The following TMEM178B variants were observed in gnomAD, a reference collection of about 807,000 sequenced individuals.
The protein encoded by TMEM178B is transmembrane protein 178B.
In TMEM178B, 5 loss-of-function variants were observed where a neutral mutation model predicts 31.0. The ratio of observed to expected loss-of-function variants is 0.16; its 90% CI spans 0.08 to 0.34. The LOEUF is 0.34. Ranked by LOEUF, TMEM178B falls within the 10% of genes least tolerant of loss-of-function variation. TMEM178B has a pLI of 1.00. For synonymous variants in TMEM178B, 164 were observed against 164.0 expected, an observed-to-expected ratio of 1.00 and a Z score of 0.00; for missense variants, 275 against 400.3, an observed-to-expected ratio of 0.69 and a Z score of 2.67.
chr7:141,252,213 C>T (rs1425227564), intron 2 of TMEM178B, among the ~76,000 whole-genome samples: 2 of 152,058 alleles, frequency 1.3e-5, no homozygotes, highest in Non-Finnish European at 2.9e-5. Flanking sequence ...GGGGCAGGTA[C>T]CAGTCCATGG....
intron 2 of TMEM178B, among the ~76,000 whole-genome samples, chr7:141,399,587 C>T (rs1800717785): frequency 6.6e-6 from 1 of 152,190 alleles, no homozygotes; most frequent in Non-Finnish European, 1.5e-5. Flanking sequence ...TTGTCCTTAA[C>T]TAAGCTTGCT....
At chr7:141,173,334 C>T (rs896249815) in intron 1 of TMEM178B, 4 of 152,212 alleles carry the variant, frequency 2.6e-5, no homozygotes, top group African/African-American at 9.7e-5. Flanking sequence ...AGTACCATGC[C>T]TGACACAAAG....
chr7:141,448,269 G>A (rs1025146539), intron 3 of TMEM178B, among the ~76,000 whole-genome samples: 1 of 152,130 alleles, frequency 6.6e-6, no homozygotes, highest in Non-Finnish European at 1.5e-5. Context: ...GCCTCCAGGG[G>A]AGGGAGTAAG....
intron 3 of TMEM178B, among the ~76,000 whole-genome samples, chr7:141,451,509 G>T (rs1801862395): frequency 6.6e-6 from 1 of 152,090 alleles, no homozygotes; most frequent in Non-Finnish European, 1.5e-5. Context: ...CTGAAGCCAG[G>T]GCTTTTAATT....
chr7:141,237,407 C>T (rs117132342), intron 2 of TMEM178B, among the ~76,000 whole-genome samples: 1,604 of 152,036 alleles, frequency 0.011, 13 homozygotes, highest in Non-Finnish European at 0.015. Context: ...GTGCTATAAC[C>T]ATTAAATGTG....
chr7:141,336,981 C>T (rs1799413486), intron 2 of TMEM178B, among the ~76,000 whole-genome samples: 1 of 101,110 alleles, frequency 9.9e-6, no homozygotes. Flanking sequence ...ACCACCACCA[C>T]CCCCATCACT....
chr7:141,413,369 T>C lies in TMEM178B; in HGVS notation c.497-24239T>C, dbSNP rs186918490. Among the ~76,000 whole-genome samples, 14 of 152,352 alleles carry C rather than the reference T, an allele frequency of 9.2e-5. No individual in the cohort carries two copies. In the East Asian group the frequency reaches 2.7e-3, roughly 29 times the overall value. ...TTAGAGATTCCTGTGTATATTCCAATTCTTGAAAGAGACCTACTCAAAAGA... is the reference window on the plus strand; with the variant it reads ...TTAGAGATTCCTGTGTATATTCCAACTCTTGAAAGAGACCTACTCAAAAGA... On this transcript the variant is annotated intron_variant, in intron 2 of 3. Coordinates refer to ENST00000565468, the MANE Select transcript of TMEM178B (RefSeq NM_001195278.2).
chr7:141,460,960 A>G (rs541658305), intron 3 of TMEM178B, among the ~76,000 whole-genome samples: 51 of 152,286 alleles, frequency 3.3e-4, no homozygotes, highest in African/African-American at 1.2e-3. Context: ...TGATGATGCA[A>G]TCGTGTATAA....
rs369601269 is a variant in TMEM178B at position 141,096,585 on chromosome 7, G to T, written c.382+21893G>T. Among the ~76,000 whole-genome samples, 21 of 152,286 alleles carry T rather than the reference G, an allele frequency of 1.4e-4. 1 individual carries two copies. The highest frequency in any genetic ancestry group is 5.1e-4 in the African/African-American group (21 of 41,564). On this transcript the variant is annotated intron_variant, in intron 1 of 3. Coordinates refer to ENST00000565468, the MANE Select transcript of TMEM178B (RefSeq NM_001195278.2). ...CTTCTGGATAGCTGACCATGTGGAG[G>T]TTCCTAGAAGGCGGTGTAACCAGGG...
At chr7:141,400,036 A>T (rs1027065872) in intron 2 of TMEM178B, among the ~76,000 whole-genome samples, 1 of 152,186 alleles carries the variant, frequency 6.6e-6, no homozygotes, top group African/African-American at 2.4e-5. Context: ...GAACACAAAG[A>T]TAAATAGAAG....
chr7:141,294,325 G>A (rs1798594842), intron 2 of TMEM178B, among the ~76,000 whole-genome samples: 1 of 152,182 alleles, frequency 6.6e-6, no homozygotes, highest in Non-Finnish European at 1.5e-5. Context: ...ACAGAAAAGA[G>A]AACGCAGCCC....
At chr7:141,409,149 A>G (rs919071437) in intron 2 of TMEM178B, among the ~76,000 whole-genome samples, 1 of 152,176 alleles carries the variant, frequency 6.6e-6, no homozygotes, top group African/African-American at 2.4e-5. Context: ...GGAAAGATGC[A>G]GAGACTCGAT....
Position 141,116,867 on chromosome 7 carries a change from T to C in TMEM178B, c.382+42175T>C, listed in dbSNP as rs1586778500. ...GAACTCATGCTTTTTTATGGCTGCA[T>C]AGTATTCCATGGCATATATGTGCCA... On this transcript the variant is annotated intron_variant, in intron 1 of 3. Coordinates refer to ENST00000565468, the MANE Select transcript of TMEM178B (RefSeq NM_001195278.2). 4.6e-5 allele frequency among the ~76,000 whole-genome samples: 7 copies of C among 152,318 alleles called. 1 individual carries two copies. Among genetic ancestry groups the C allele is most frequent in the Admixed American group, 4.6e-4 (7 of 15,298 alleles).
At chr7:141,323,845 A>C (rs1318711563) in intron 2 of TMEM178B, among the ~76,000 whole-genome samples, 1 of 152,188 alleles carries the variant, frequency 6.6e-6, no homozygotes, top group Non-Finnish European at 1.5e-5. Flanking sequence ...AAAGCATGGA[A>C]AGGGATATGA....
intron 2 of TMEM178B, among the ~76,000 whole-genome samples, chr7:141,380,666 T>C (rs1214695223): frequency 2.0e-5 from 3 of 152,182 alleles, no homozygotes; most frequent in African/African-American, 7.2e-5. Context: ...TGTGTATGTG[T>C]TTGTTTTGGG....
chr7:141,246,274 C>T (rs907708485), intron 2 of TMEM178B, among the ~76,000 whole-genome samples: 3 of 152,178 alleles, frequency 2.0e-5, no homozygotes, highest in African/African-American at 7.2e-5. Flanking sequence ...ATATCTATTA[C>T]TTCTTGAGTA....
chr7:141,444,508 C>A (rs1310840691), intron 3 of TMEM178B, among the ~76,000 whole-genome samples: 2 of 152,200 alleles, frequency 1.3e-5, no homozygotes, highest in African/African-American at 4.8e-5. Context: ...TTTATTTGAA[C>A]AGTCCAAGGA....
rs533239202 is a variant in TMEM178B, at chr7:141,243,343, A to G, written c.496+30639A>G. The stretch of plus-strand genomic sequence containing the variant: ...AACTTCTGCTTGGAGATTAAAAATG[A>G]CACTGAAGTCTCTCAGCACTTCTGT... On this transcript the variant is annotated intron_variant, in intron 2 of 3. Transcript: ENST00000565468. Among the ~76,000 whole-genome samples, 28 of 152,204 alleles carry G rather than the reference A, an allele frequency of 1.8e-4. No individual in the cohort carries two copies. In the South Asian group the frequency reaches 5.4e-3, roughly 29 times the overall value.
intron 1 of TMEM178B, among the ~76,000 whole-genome samples, chr7:141,121,168 G>A (rs1410489285): frequency 6.6e-6 from 1 of 151,708 alleles, no homozygotes; most frequent in Non-Finnish European, 1.5e-5. Context: ...TATTATGACT[G>A]TGTAAATATC....
Sources: gnomAD v4.1 joint callset for allele counts (sites outside exome capture counted in the v4.1 genomes callset) on GRCh38, gnomAD v4.1.1 for gene constraint, MANE v1.5 for transcripts, NCBI Gene and HGNC (gene_info 2026-07-23, HGNC 2026-07-21) for gene names.